The following LIMK2 variants were observed in gnomAD, a reference collection of about 807,000 sequenced individuals.
The protein encoded by LIMK2 is LIM domain kinase 2.
A neutral mutation model predicts 75.7 loss-of-function variants in LIMK2; 35 were observed. The observed-to-expected ratio is 0.46, with a 90% CI of 0.35 to 0.61. The LOEUF (loss-of-function observed/expected upper bound fraction) is 0.61. Among genes scored for constraint, LIMK2 ranks in the 20% least tolerant of loss-of-function variants. The pLI is 0.00. For missense variants in LIMK2, 623 were observed against 831.0 expected, an observed-to-expected ratio of 0.75 and a Z score of 3.08; for synonymous variants, 301 against 319.2, an observed-to-expected ratio of 0.94 and a Z score of 0.61.
At chr22:31,267,646 T>C in intron 9 of LIMK2, 130 bp from the exon 10 acceptor site, 1 of 982,622 alleles carries the variant, frequency 1.0e-6, no homozygotes, top group Non-Finnish European at 1.5e-6. Context: ...CTTAGTGCCC[T>C]GTCATATCAC....
chr22:31,259,964 G>A lies in LIMK2; in HGVS notation c.438G>A (p.Leu146=). The A allele has an allele frequency of 3.1e-6, 5 of 1,611,750 alleles. No homozygotes were observed. Among genetic ancestry groups the A allele is most frequent in the Non-Finnish European group, 4.2e-6 (5 of 1,179,562 alleles). Residue 146 remains leucine (L), a synonymous_variant, in exon 5 of 16, where the codon CTG becomes CTA. Coordinates refer to ENST00000331728, the MANE Select transcript of LIMK2 (RefSeq NM_005569.4). ...CCACAGAGTCTGTTCAGGAGCAGCT[G>A]CCCTACTCTGTCACGCTCATCTCCA... ...RLSTESVQEQ[L]PYSVTLISMP...
chr22:31,272,966 G>T, intron 13 of LIMK2: 1 of 1,247,520 alleles, frequency 8.0e-7, no homozygotes. Flanking sequence ...AAGAGCTCAG[G>T]CTATTGTCCC....
chr22:31,235,471 C>G (rs2048565350), intron 2 of LIMK2, among the ~76,000 whole-genome samples: 1 of 152,158 alleles, frequency 6.6e-6, no homozygotes, highest in Non-Finnish European at 1.5e-5. Flanking sequence ...GTCCTTCTTT[C>G]CAGCAGCAGG....
At chr22:31,239,726 A>T (rs186094446) in intron 2 of LIMK2, among the ~76,000 whole-genome samples, 2 of 152,286 alleles carry the variant, frequency 1.3e-5, no homozygotes, top group Admixed American at 6.5e-5. Context: ...CCAAGTGTGG[A>T]GCCGTATCTA....
rs372000837 is a variant in LIMK2, at chr22:31,254,777, G to A, written c.117-3514G>A. Among the ~76,000 whole-genome samples, 19 of 152,252 alleles carry A rather than the reference G, an allele frequency of 1.2e-4. 1 individual carries two copies. In the East Asian group the frequency reaches 2.5e-3, roughly 20 times the overall value. ...AGTTCGAGACCAGCCTCACCAACAT[G>A]GGGAAACCCCGTCTCTACTAAAAAT... On this transcript the variant is annotated intron_variant, in intron 2 of 15. Coordinates refer to ENST00000331728, the MANE Select transcript of LIMK2 (RefSeq NM_005569.4).
At chr22:31,246,806 A>G (rs1391899005) in intron 2 of LIMK2, among the ~76,000 whole-genome samples, 1 of 151,730 alleles carries the variant, frequency 6.6e-6, no homozygotes, top group South Asian at 2.1e-4. Context: ...CTTATCAGCT[A>G]TTTGTCTTGA....
intron 11 of LIMK2, among the ~76,000 whole-genome samples, chr22:31,269,578 G>A (rs1360361724): frequency 6.6e-6 from 1 of 151,928 alleles, no homozygotes; most frequent in East Asian, 1.9e-4. Flanking sequence ...AGACCAGCCT[G>A]GCCAACTGGT....
At chr22:31,241,445 G>A (rs1435122040) in intron 2 of LIMK2, among the ~76,000 whole-genome samples, 1 of 152,112 alleles carries the variant, frequency 6.6e-6, no homozygotes, top group Non-Finnish European at 1.5e-5. Context: ...GGCTCCCTGG[G>A]AGTCCCCCAA....
chr22:31,278,198 G>A (rs1053157135), intron 15 of LIMK2, 99 bp from the exon 16 acceptor site: 15 of 1,082,078 alleles, frequency 1.4e-5, no homozygotes, highest in South Asian at 3.0e-5. Context: ...TTTGCCTGAC[G>A]TTATACAACC....
intron 15 of LIMK2, among the ~76,000 whole-genome samples, chr22:31,277,905 A>G (rs1434888958): frequency 6.6e-6 from 1 of 152,172 alleles, no homozygotes; most frequent in Admixed American, 6.6e-5. Context: ...GTGACATGAC[A>G]TTTAAGCATA....
chr22:31,218,126 A>G (rs543005521), intron 1 of LIMK2, among the ~76,000 whole-genome samples: 6 of 152,352 alleles, frequency 3.9e-5, no homozygotes, highest in Admixed American at 3.9e-4. Flanking sequence ...AGTGCCTGGC[A>G]CCATGGGAGA....
At position 31,275,201 on chromosome 22, in the gene LIMK2, CT is replaced by C; in HGVS notation, c.1668del (p.Phe556LeufsTer5). ...DPDCLPRTLD[F>X]GLNVKLFWEK... is the part of the protein sequence containing the mutation. The stretch of plus-strand genomic sequence containing the variant: ...CTGACTGCCTTCCCCGAACACTGGA[CT>C]TTGGCCTCAACGTGAAGCTTTTCTG... On this transcript the variant is annotated frameshift_variant, in exon 15 of 16. Transcript: ENST00000331728. LOFTEE classifies it high-confidence loss of function. 6.2e-7 allele frequency: 1 copy of C among 1,614,206 alleles called. No homozygotes were observed. Among genetic ancestry groups the C allele is most frequent in the African/African-American group, 1.3e-5 (1 of 75,046 alleles).
intron 2 of LIMK2, among the ~76,000 whole-genome samples, chr22:31,255,978 C>CTTTTTTTTTTTTTT (rs567250437): frequency 6.7e-5 from 2 of 29,682 alleles, no homozygotes; most frequent in Non-Finnish European, 1.3e-4. Context: ...TATATTGGGT[C>CTTTTTTTTTTTTTT]TTTTTTTTTT....
chr22:31,236,021 G>A (rs996193149), intron 2 of LIMK2, among the ~76,000 whole-genome samples: 4 of 152,194 alleles, frequency 2.6e-5, no homozygotes, highest in African/African-American at 7.2e-5. Flanking sequence ...GAGGCCAGGC[G>A]TAGTGGCTCA....
intron 2 of LIMK2, among the ~76,000 whole-genome samples, chr22:31,252,789 A>G (rs2048738693): frequency 6.6e-6 from 1 of 152,166 alleles, no homozygotes; most frequent in African/African-American, 2.4e-5. Flanking sequence ...TCTGTACATA[A>G]TTTAATTCTC....
intron 2 of LIMK2, among the ~76,000 whole-genome samples, chr22:31,251,357 G>A (rs1404961063): frequency 6.6e-6 from 1 of 152,142 alleles, no homozygotes; most frequent in Non-Finnish European, 1.5e-5. Context: ...GCATAACTCT[G>A]CCCAGCTTCA....
chr22:31,276,952 C>A (rs781775509), intron 15 of LIMK2: 1 of 1,613,846 alleles, frequency 6.2e-7, no homozygotes, highest in South Asian at 1.1e-5. Context: ...CTACGACTGC[C>A]AGGAAGAGGA....
chr22:31,269,910 G>A (rs1246573717), intron 11 of LIMK2, among the ~76,000 whole-genome samples: 6 of 151,150 alleles, frequency 4.0e-5, no homozygotes, highest in Non-Finnish European at 8.8e-5. Context: ...GTGGGGACAG[G>A]AGCCTGGGAG....
intron 1 of LIMK2, among the ~76,000 whole-genome samples, chr22:31,217,142 C>T (rs2123761217): frequency 6.6e-6 from 1 of 152,264 alleles, no homozygotes; most frequent in Non-Finnish European, 1.5e-5. Context: ...TGGCTCACGC[C>T]TGTAATCCCA....
Sources: gnomAD v4.1 joint callset for allele counts (sites outside exome capture counted in the v4.1 genomes callset) on GRCh38, gnomAD v4.1.1 for gene constraint, MANE v1.5 for transcripts, NCBI Gene and HGNC (gene_info 2026-07-23, HGNC 2026-07-21) for gene names.